Variants in FARS2 observed in about 807,000 individuals in gnomAD.
FARS2 encodes the protein phenylalanyl-tRNA synthetase 2, mitochondrial.
In FARS2, 40 loss-of-function variants were observed where a neutral mutation model predicts 46.4. The ratio of observed to expected loss-of-function variants is 0.86; its 90% CI spans 0.67 to 1.12. The LOEUF (loss-of-function observed/expected upper bound fraction) is 1.12. FARS2 is among the 50% of genes most tolerant of loss of function. The pLI is 0.00. For synonymous variants in FARS2, 234 were observed against 214.9 expected (o/e 1.09, Z -0.78); for missense variants, 513 against 567.9 (o/e 0.90, Z 0.98).
At chr6:5,701,211 G>A (rs551289366) in intron 6 of FARS2, among the ~76,000 whole-genome samples, 8 of 152,350 alleles carry the variant, frequency 5.3e-5, no homozygotes, top group African/African-American at 1.2e-4. Flanking sequence ...CGGGATTACC[G>A]GGCTCTGCCC....
chr6:5,309,317 A>G (rs1222248706), intron 1 of FARS2, among the ~76,000 whole-genome samples: 1 of 152,068 alleles, frequency 6.6e-6, no homozygotes. Context: ...AGAGGCAGGG[A>G]TGGGGTACTC....
intron 6 of FARS2, among the ~76,000 whole-genome samples, chr6:5,729,918 G>A (rs1230337008): frequency 6.6e-6 from 1 of 152,192 alleles, no homozygotes; most frequent in Non-Finnish European, 1.5e-5. Context: ...ACTGTAGGCT[G>A]TTTACCAGCA....
At chr6:5,375,525 T>A (rs1759321804) in intron 2 of FARS2, among the ~76,000 whole-genome samples, 2 of 152,142 alleles carry the variant, frequency 1.3e-5, no homozygotes, top group African/African-American at 4.8e-5. Flanking sequence ...CCAACCAAAA[T>A]TTTCACTGGA....
At chr6:5,709,001 C>G (rs1260412407) in intron 6 of FARS2, among the ~76,000 whole-genome samples, 1 of 152,216 alleles carries the variant, frequency 6.6e-6, no homozygotes, top group East Asian at 1.9e-4. Flanking sequence ...CCTCATCTGT[C>G]TTAATGGGAC....
At chr6:5,654,510 C>A (rs1777516141) in intron 6 of FARS2, among the ~76,000 whole-genome samples, 1 of 152,176 alleles carries the variant, frequency 6.6e-6, no homozygotes, top group Non-Finnish European at 1.5e-5. Context: ...TACTGCCCTT[C>A]CCCTTAGGTT....
At chr6:5,753,375 T>C (rs575926362) in intron 6 of FARS2, among the ~76,000 whole-genome samples, 12 of 152,338 alleles carry the variant, frequency 7.9e-5, no homozygotes, top group Non-Finnish European at 1.8e-4. Flanking sequence ...AGAGCTCTGC[T>C]CCGTGCCTGC....
At chr6:5,288,996 G>A (rs933098012) in intron 1 of FARS2, among the ~76,000 whole-genome samples, 1 of 152,178 alleles carries the variant, frequency 6.6e-6, no homozygotes, top group Non-Finnish European at 1.5e-5. Context: ...GAATCATTAA[G>A]AATATTACTC....
At chr6:5,305,298 C>G (rs757314709) in intron 1 of FARS2, among the ~76,000 whole-genome samples, 4 of 152,172 alleles carry the variant, frequency 2.6e-5, no homozygotes, top group African/African-American at 2.4e-5. Flanking sequence ...CCTAAAATGT[C>G]TAGCACATTG....
At chr6:5,476,700 G>A (rs1766144393) in intron 4 of FARS2, among the ~76,000 whole-genome samples, 2 of 152,290 alleles carry the variant, frequency 1.3e-5, no homozygotes, top group Middle Eastern at 3.4e-3. Context: ...TCACAGCTAG[G>A]TATTGAGAGC....
At chr6:5,519,952 C>T (rs1769028960) in intron 4 of FARS2, among the ~76,000 whole-genome samples, 1 of 152,198 alleles carries the variant, frequency 6.6e-6, no homozygotes, top group South Asian at 2.1e-4. Context: ...TTAGCAGTGA[C>T]CTTTGATGAC....
chr6:5,292,667 T>G lies in FARS2; in HGVS notation c.-22+31007T>G, dbSNP rs369926040. Reference sequence around the variant, plus strand: ...TTGAGGTACCTGAGGGACACCCAAGTGGAGAAGTCCTGCATAGACAGGTGC... The same window carrying G: ...TTGAGGTACCTGAGGGACACCCAAGGGGAGAAGTCCTGCATAGACAGGTGC... On this transcript the variant is annotated intron_variant, in intron 1 of 6. Coordinates refer to ENST00000274680, the MANE Select transcript of FARS2 (RefSeq NM_006567.5). 5.9e-5 allele frequency among the ~76,000 whole-genome samples: 9 copies of G among 152,282 alleles called. No individual in the cohort carries two copies. The South Asian group carries it at 1.4e-3, about 25-fold the overall frequency.
intron 4 of FARS2, among the ~76,000 whole-genome samples, chr6:5,522,951 C>G: frequency 6.6e-6 from 1 of 151,772 alleles, no homozygotes; most frequent in East Asian, 1.9e-4. Flanking sequence ...TGGGATCGAA[C>G]GAAATAGAAA....
chr6:5,707,600 A>G (rs1410846188), intron 6 of FARS2, among the ~76,000 whole-genome samples: 1 of 152,130 alleles, frequency 6.6e-6, no homozygotes, highest in Admixed American at 6.5e-5. Flanking sequence ...CTCATTTCAC[A>G]TTTTCCAACA....
intron 5 of FARS2, among the ~76,000 whole-genome samples, chr6:5,546,507 C>T (rs555809075): frequency 1.3e-5 from 2 of 151,838 alleles, no homozygotes; most frequent in East Asian, 3.9e-4. Flanking sequence ...GCCTTGGCCT[C>T]CCGAAGTGCT....
chr6:5,377,450 C>T (rs1050210294), intron 2 of FARS2, among the ~76,000 whole-genome samples: 2 of 152,194 alleles, frequency 1.3e-5, no homozygotes, highest in African/African-American at 4.8e-5. Flanking sequence ...GTCGTGTACA[C>T]ACATGTGCAG....
intron 6 of FARS2, among the ~76,000 whole-genome samples, chr6:5,660,953 A>G (rs1232544969): frequency 6.6e-6 from 1 of 152,218 alleles, no homozygotes; most frequent in Non-Finnish European, 1.5e-5. Context: ...GGAATGTCAC[A>G]CGATCAGATT....
chr6:5,521,497 A>ATAG (rs1370756008), intron 4 of FARS2, among the ~76,000 whole-genome samples: 1 of 152,196 alleles, frequency 6.6e-6, no homozygotes, highest in African/African-American at 2.4e-5. Flanking sequence ...GCGTACATAG[A>ATAG]TAGCACTCAC....
intron 6 of FARS2, among the ~76,000 whole-genome samples, chr6:5,730,658 G>A (rs1176513795): frequency 2.6e-5 from 4 of 152,128 alleles, no homozygotes; most frequent in African/African-American, 9.7e-5. Flanking sequence ...CCTAAGAGGA[G>A]CAAAATATTC....
intron 1 of FARS2, among the ~76,000 whole-genome samples, chr6:5,310,112 T>C (rs1385290658): frequency 6.6e-6 from 1 of 152,126 alleles, no homozygotes; most frequent in African/African-American, 2.4e-5. Flanking sequence ...TTCAAATCAC[T>C]AGGGAAAGTA....
Sources: gnomAD v4.1 joint callset for allele counts (sites outside exome capture counted in the v4.1 genomes callset) on GRCh38, gnomAD v4.1.1 for gene constraint, MANE v1.5 for transcripts, NCBI Gene and HGNC (gene_info 2026-07-23, HGNC 2026-07-21) for gene names.